The following CSTPP1 variants were observed in gnomAD, a reference collection of about 807,000 sequenced individuals.
CSTPP1 encodes centriolar satellite-associated tubulin polyglutamylase complex regulator 1.
the CSTPP1 span, among the ~76,000 whole-genome samples, chr11:46,957,349 T>G: frequency 1.3e-5 from 2 of 152,232 alleles, no homozygotes; most frequent in African/African-American, 4.8e-5. Flanking sequence ...TCCTTCTTTT[T>G]ATTAGATTGC....
At chr11:47,014,888 A>G in the CSTPP1 span, among the ~76,000 whole-genome samples, 1 of 152,158 alleles carries the variant, frequency 6.6e-6, no homozygotes, top group Non-Finnish European at 1.5e-5. Context: ...AATGAAATAG[A>G]TACCAGAAAA....
the CSTPP1 span, chr11:47,137,942 C>A: frequency 1.6e-6 from 1 of 606,716 alleles, no homozygotes. Context: ...TGGGGAGCCT[C>A]AGGGTCTGAA....
At chr11:47,086,482 T>G in the CSTPP1 span, among the ~76,000 whole-genome samples, 1 of 146,326 alleles carries the variant, frequency 6.8e-6, no homozygotes, top group Non-Finnish European at 1.5e-5. Flanking sequence ...TTATTGAAGA[T>G]GGAGACAGAA....
chr11:46,963,374 T>C, the CSTPP1 span, among the ~76,000 whole-genome samples: 5 of 152,054 alleles, frequency 3.3e-5, no homozygotes, highest in South Asian at 2.1e-4. Context: ...AAGTAGTTTT[T>C]CCACATCTAT....
the CSTPP1 span, among the ~76,000 whole-genome samples, chr11:47,115,796 G>T: frequency 2.0e-5 from 3 of 150,424 alleles, no homozygotes; most frequent in African/African-American, 4.9e-5. Context: ...TTTTTGTAGG[G>T]TTTTTTGTGT....
the CSTPP1 span, among the ~76,000 whole-genome samples, chr11:47,116,261 G>A: frequency 2.2e-4 from 34 of 152,310 alleles, no homozygotes; most frequent in African/African-American, 7.0e-4. Context: ...TAGAATAAGC[G>A]TGATGTGATG....
chr11:47,124,193 G>A, the CSTPP1 span, among the ~76,000 whole-genome samples: 1 of 119,748 alleles, frequency 8.4e-6, no homozygotes, highest in South Asian at 2.9e-4. Context: ...GTGCGATCTC[G>A]GCTCACTGCA....
At chr11:47,008,892 G>A in the CSTPP1 span, among the ~76,000 whole-genome samples, 13 of 152,170 alleles carry the variant, frequency 8.5e-5, no homozygotes, top group Non-Finnish European at 1.6e-4. Flanking sequence ...TTAGCTGGGC[G>A]TAGTGGCAGG....
the CSTPP1 span, among the ~76,000 whole-genome samples, chr11:47,009,491 T>C: frequency 6.6e-6 from 1 of 152,116 alleles, no homozygotes; most frequent in Non-Finnish European, 1.5e-5. Context: ...CTCAATTATA[T>C]TGAAATAAGT....
At chr11:47,044,487 G>A in the CSTPP1 span, among the ~76,000 whole-genome samples, 1 of 151,974 alleles carries the variant, frequency 6.6e-6, no homozygotes, top group African/African-American at 2.4e-5. Flanking sequence ...TGAACAGACA[G>A]AATAGAGAAT....
chr11:47,014,769 G>A, the CSTPP1 span, among the ~76,000 whole-genome samples: 2 of 133,464 alleles, frequency 1.5e-5, no homozygotes, highest in African/African-American at 5.4e-5. Context: ...GGGAGGGAAG[G>A]AAGGAAGGAG....
chr11:46,982,874 T>G, the CSTPP1 span, among the ~76,000 whole-genome samples: 2 of 152,162 alleles, frequency 1.3e-5, no homozygotes, highest in Non-Finnish European at 2.9e-5. Flanking sequence ...TTACATAGAT[T>G]ATTTTATTTA....
At chr11:47,138,994 A>AAAAC in the CSTPP1 span, among the ~76,000 whole-genome samples, 1 of 149,122 alleles carries the variant, frequency 6.7e-6, no homozygotes, top group Non-Finnish European at 1.5e-5. Flanking sequence ...AAAAAAAAAA[A>AAAAC]AAAAAAAAAA....
At chr11:47,161,422 A>G in the CSTPP1 span, 515 of 1,610,938 alleles carry the variant, frequency 3.2e-4, no homozygotes, top group Non-Finnish European at 4.1e-4. Flanking sequence ...CTCTCTGTAC[A>G]GGAGGCCTCT....
chr11:47,040,699 G>A, the CSTPP1 span, among the ~76,000 whole-genome samples: 5 of 126,444 alleles, frequency 4.0e-5, 2 homozygotes, highest in Admixed American at 1.7e-4. Flanking sequence ...AAAGGGCCTC[G>A]AACCCCTGTA....
chr11:47,028,063 A>G, the CSTPP1 span, among the ~76,000 whole-genome samples: 4 of 151,804 alleles, frequency 2.6e-5, no homozygotes, highest in Admixed American at 1.3e-4. Flanking sequence ...AGCTGGGACT[A>G]CAGGCGCCCG....
At chr11:47,072,868 A>G in the CSTPP1 span, among the ~76,000 whole-genome samples, 1 of 152,236 alleles carries the variant, frequency 6.6e-6, no homozygotes, top group Non-Finnish European at 1.5e-5. Flanking sequence ...TCAGAAAGCA[A>G]TGATGAGCAA....
chr11:47,027,927 CTT>C, the CSTPP1 span, among the ~76,000 whole-genome samples: 5 of 134,056 alleles, frequency 3.7e-5, no homozygotes, highest in Non-Finnish European at 4.7e-5. Flanking sequence ...TTTTTTTTTT[CTT>C]TTTTTTTTTT....
the CSTPP1 span, among the ~76,000 whole-genome samples, chr11:47,153,682 G>A: frequency 2.6e-5 from 4 of 152,208 alleles, no homozygotes. Context: ...AGCCTGCCAC[G>A]CAGTAGGGCA....
Sources: allele counts gnomAD v4.1 joint callset (sites outside exome capture counted in the v4.1 genomes callset), GRCh38; gene constraint gnomAD v4.1.1; transcripts MANE v1.5; gene names NCBI Gene and HGNC (gene_info 2026-07-23, HGNC 2026-07-21).